The following XNDC1N variants were observed in gnomAD, a reference collection of about 807,000 sequenced individuals.
XNDC1N encodes the protein XRCC1 N-terminal domain containing 1, N-terminal like, also known as protein XNDC1N.
chr11:71,916,520 T>C, the XNDC1N span: 1 of 403,318 alleles, frequency 2.5e-6, no homozygotes, highest in African/African-American at 2.0e-5. Flanking sequence ...ATGAATTCTA[T>C]ACCTCTCCAG....
At chr11:71,905,865 A>G in the XNDC1N span, among the ~76,000 whole-genome samples, 1 of 151,990 alleles carries the variant, frequency 6.6e-6, no homozygotes, top group African/African-American at 2.4e-5. Context: ...GGTGTAGCCC[A>G]TGTATGTACA....
At chr11:71,918,864 C>T in the XNDC1N span, 2 of 701,632 alleles carry the variant, frequency 2.9e-6, no homozygotes, top group Non-Finnish European at 5.2e-6. Context: ...CCTCAAGGTT[C>T]CTAGGCCACA....
chr11:71,884,334 T>C, the XNDC1N span: 7 of 1,396,440 alleles, frequency 5.0e-6, no homozygotes, highest in Non-Finnish European at 6.6e-6. Context: ...TAATTTATTA[T>C]AAAACATTTC....
the XNDC1N span, among the ~76,000 whole-genome samples, chr11:71,870,426 T>C: frequency 6.6e-6 from 1 of 152,202 alleles, no homozygotes; most frequent in Non-Finnish European, 1.5e-5. Flanking sequence ...CTCTTGTCCC[T>C]TGAGGTGAGA....
At chr11:71,872,826 T>C in the XNDC1N span, among the ~76,000 whole-genome samples, 1 of 152,220 alleles carries the variant, frequency 6.6e-6, no homozygotes, top group East Asian at 1.9e-4. Context: ...GGATACAACA[T>C]TGACCACTTG....
chr11:71,890,142 G>A, the XNDC1N span, among the ~76,000 whole-genome samples: 1 of 152,134 alleles, frequency 6.6e-6, no homozygotes, highest in Non-Finnish European at 1.5e-5. Flanking sequence ...ACCACAAGGG[G>A]CATCAAACCA....
At chr11:71,908,669 A>T in the XNDC1N span, among the ~76,000 whole-genome samples, 1 of 152,130 alleles carries the variant, frequency 6.6e-6, no homozygotes, top group African/African-American at 2.4e-5. Flanking sequence ...CCCCATACCG[A>T]AAAGCCACAA....
At chr11:71,883,310 TA>T in the XNDC1N span, among the ~76,000 whole-genome samples, 14 of 152,088 alleles carry the variant, frequency 9.2e-5, no homozygotes, top group Admixed American at 2.6e-4. Context: ...AAAACAAAGC[TA>T]GGGGCATCAC....
chr11:71,878,035 C>T, the XNDC1N span, among the ~76,000 whole-genome samples: 22 of 152,202 alleles, frequency 1.4e-4, no homozygotes, highest in South Asian at 2.1e-4. Context: ...TGCTAACACA[C>T]GGTGCCAAAA....
the XNDC1N span, chr11:71,923,164 C>A: frequency 1.5e-6 from 1 of 656,732 alleles, no homozygotes; most frequent in Non-Finnish European, 2.7e-6. Flanking sequence ...AACCTGAGGG[C>A]AAGAGCTGTT....
the XNDC1N span, chr11:71,884,494 A>T: frequency 1.2e-6 from 2 of 1,610,482 alleles, no homozygotes; most frequent in Admixed American, 3.3e-5. Flanking sequence ...GCAATTAGAT[A>T]CTGTGCTGAC....
At chr11:71,882,389 G>A in the XNDC1N span, among the ~76,000 whole-genome samples, 52 of 152,028 alleles carry the variant, frequency 3.4e-4, no homozygotes, top group East Asian at 5.8e-3. Context: ...CCACCACCAC[G>A]CCTGGCTAAT....
the XNDC1N span, among the ~76,000 whole-genome samples, chr11:71,909,888 G>A: frequency 2.6e-5 from 4 of 152,162 alleles, no homozygotes; most frequent in Non-Finnish European, 5.9e-5. Context: ...GACCCGGAAT[G>A]GGAGTCATTA....
the XNDC1N span, among the ~76,000 whole-genome samples, chr11:71,908,708 T>C: frequency 6.6e-6 from 1 of 152,150 alleles, no homozygotes; most frequent in Admixed American, 6.5e-5. Flanking sequence ...CAAGCTGTTA[T>C]CCAGACCCAC....
At chr11:71,927,916 T>A in the XNDC1N span, 1 of 152,626 alleles carries the variant, frequency 6.6e-6, no homozygotes, top group African/African-American at 2.4e-5. Flanking sequence ...TAAAGCTGAC[T>A]TTTCTAGACG....
chr11:71,880,054 C>T, the XNDC1N span, among the ~76,000 whole-genome samples: 3 of 151,890 alleles, frequency 2.0e-5, no homozygotes, highest in East Asian at 1.9e-4. Flanking sequence ...CCAACATTCA[C>T]GGAGGAAAAG....
At chr11:71,894,797 A>C in the XNDC1N span, among the ~76,000 whole-genome samples, 7 of 150,282 alleles carry the variant, frequency 4.7e-5, no homozygotes, top group East Asian at 1.4e-3. Flanking sequence ...GTTCAAAGTT[A>C]TGTAGTTATA....
the XNDC1N span, among the ~76,000 whole-genome samples, chr11:71,902,391 C>G: frequency 1.3e-5 from 2 of 152,180 alleles, no homozygotes; most frequent in African/African-American, 4.8e-5. Flanking sequence ...TGGGGTTACA[C>G]CATGTTGGCC....
the XNDC1N span, among the ~76,000 whole-genome samples, chr11:71,881,757 T>C: frequency 0.045 from 6,837 of 152,208 alleles, 523 homozygotes; most frequent in African/African-American, 0.16. Context: ...TAGACTGATA[T>C]GATCAAGGAA....
Sources: gnomAD v4.1 joint callset for allele counts (sites outside exome capture counted in the v4.1 genomes callset) on GRCh38, gnomAD v4.1.1 for gene constraint, MANE v1.5 for transcripts, NCBI Gene and HGNC (gene_info 2026-07-23, HGNC 2026-07-21) for gene names.